The following SEMA6D variants were observed in gnomAD, a reference collection of about 807,000 sequenced individuals.
SEMA6D encodes semaphorin-6D.
A neutral mutation model predicts 106.6 loss-of-function variants in SEMA6D; 35 were observed. That is an observed-to-expected ratio of 0.33 (90% CI 0.25 to 0.44). The LOEUF (loss-of-function observed/expected upper bound fraction) is 0.44. Ranked by LOEUF, SEMA6D falls within the 20% of genes least tolerant of loss-of-function variation. SEMA6D has a pLI of 1.00. For missense variants in SEMA6D, 1,185 were observed against 1,345.9 expected, an observed-to-expected ratio of 0.88 and a Z score of 1.87; for synonymous variants, 499 against 487.7, an observed-to-expected ratio of 1.02 and a Z score of -0.31.
intron 1 of SEMA6D, among the ~76,000 whole-genome samples, chr15:47,295,821 T>C (rs879695678): frequency 1.3e-5 from 2 of 152,216 alleles, no homozygotes; most frequent in Non-Finnish European, 2.9e-5. Flanking sequence ...CCAGAAGAGC[T>C]TGTTTCTCCT....
intron 2 of SEMA6D, among the ~76,000 whole-genome samples, chr15:47,469,673 A>G (rs979560101): frequency 1.3e-5 from 2 of 152,142 alleles, no homozygotes; most frequent in Non-Finnish European, 2.9e-5. Flanking sequence ...GATATTGGAG[A>G]TAAAATTAAC....
At chr15:47,298,083 C>G (rs1418599455) in intron 1 of SEMA6D, among the ~76,000 whole-genome samples, 1 of 152,178 alleles carries the variant, frequency 6.6e-6, no homozygotes, top group Non-Finnish European at 1.5e-5. Context: ...TATACTCTAA[C>G]AGGATCACTT....
At chr15:47,372,353 G>A (rs968871060) in intron 1 of SEMA6D, among the ~76,000 whole-genome samples, 2 of 152,166 alleles carry the variant, frequency 1.3e-5, no homozygotes, top group African/African-American at 4.8e-5. Flanking sequence ...TCTCTGACAG[G>A]AAATCTTAAA....
chr15:47,764,400 C>A, intron 11 of SEMA6D, 95 bp downstream of exon 11: 1 of 1,441,284 alleles, frequency 6.9e-7, no homozygotes. Context: ...CAACCTCCCA[C>A]ACCAGGAAGG....
upstream of SEMA6D, among the ~76,000 whole-genome samples, chr15:47,715,298 G>A (rs2079090201): frequency 6.6e-6 from 1 of 152,162 alleles, no homozygotes; most frequent in Non-Finnish European, 1.5e-5. Context: ...GGTTAAAAGT[G>A]TGTAAAATCA....
chr15:47,638,424 T>G (rs2077429920), intron 4 of SEMA6D, among the ~76,000 whole-genome samples: 1 of 152,222 alleles, frequency 6.6e-6, no homozygotes, highest in Non-Finnish European at 1.5e-5. Context: ...ATTTTTAGAA[T>G]GATATCAGAC....
rs776941710 is a variant in SEMA6D at position 47,771,697 on chromosome 15, C to T, written c.3134C>T (p.Thr1045Met). 10 of 1,613,934 alleles carry T rather than the reference C, an allele frequency of 6.2e-6. No individual in the cohort carries two copies. In the African/African-American group the frequency reaches 6.7e-5, roughly 11 times the overall value. Reference protein sequence around the residue: ...GTLPRTGLKRTPSLKPDVPPK... With the variant: ...GTLPRTGLKRMPSLKPDVPPK... ...CTTCCTAGGACGGGACTAAAGAGGA[C>T]GCCGTCCTTAAAACCTGACGTGCCA... Residue 1045 changes from threonine (T) to methionine (M), a missense_variant, in exon 19 of 19, where the codon ACG becomes ATG. Thr to Met is a moderately conservative substitution (Grantham distance 81). Around this residue, in one of 3 missense-constraint regions of SEMA6D, gnomAD observed 750 missense variants for 783.5 expected, o/e 0.96. Coordinates refer to ENST00000536845, the MANE Select transcript of SEMA6D (RefSeq NM_001358351.3).
intron 1 of SEMA6D, among the ~76,000 whole-genome samples, chr15:47,405,118 C>T (rs757605650): frequency 5.9e-5 from 9 of 152,058 alleles, no homozygotes; most frequent in South Asian, 2.1e-4. Flanking sequence ...TCAGGAGATG[C>T]GCCATGTAGC....
At chr15:47,372,838 T>G (rs752399514) in intron 1 of SEMA6D, among the ~76,000 whole-genome samples, 1 of 152,206 alleles carries the variant, frequency 6.6e-6, no homozygotes, top group Non-Finnish European at 1.5e-5. Flanking sequence ...CCACTGCTAA[T>G]TCTAGTCGAT....
At chr15:47,583,598 C>A (rs1284368345) in intron 3 of SEMA6D, among the ~76,000 whole-genome samples, 2 of 152,164 alleles carry the variant, frequency 1.3e-5, no homozygotes, top group African/African-American at 4.8e-5. Flanking sequence ...AAAGTAGTCA[C>A]TCCTAGGCAT....
intron 2 of SEMA6D, among the ~76,000 whole-genome samples, chr15:47,445,628 T>C (rs1223194855): frequency 6.6e-6 from 1 of 152,132 alleles, no homozygotes; most frequent in African/African-American, 2.4e-5. Flanking sequence ...ATATTCCTTC[T>C]TTCTATGTGT....
chr15:47,336,808 C>G (rs954410161), intron 1 of SEMA6D, among the ~76,000 whole-genome samples: 3 of 152,122 alleles, frequency 2.0e-5, no homozygotes, highest in Non-Finnish European at 4.4e-5. Context: ...GCACCATGAC[C>G]ATCTCTCCAC....
intron 1 of SEMA6D, among the ~76,000 whole-genome samples, chr15:47,200,675 A>G (rs1595731262): frequency 6.6e-6 from 1 of 152,202 alleles, no homozygotes; most frequent in African/African-American, 2.4e-5. Context: ...AAGTACACAT[A>G]CAATTCCACT....
At chr15:47,768,468 C>T (rs2082460504) in intron 17 of SEMA6D, 113 bp from the exon 18 acceptor site, 1 of 931,692 alleles carries the variant, frequency 1.1e-6, no homozygotes, top group South Asian at 2.4e-5. Flanking sequence ...TTACAAAATC[C>T]TAGAGCAAAC....
chr15:47,359,688 A>G (rs898756562), intron 1 of SEMA6D: 1 of 152,156 alleles, frequency 6.6e-6, no homozygotes, highest in African/African-American at 2.4e-5. Flanking sequence ...AAGTAGAAAA[A>G]AGAGAAAGCA....
chr15:47,718,416 G>A (rs1322485415), intron 1 of SEMA6D: 1 of 152,324 alleles, frequency 6.6e-6, no homozygotes, highest in Non-Finnish European at 1.5e-5. Flanking sequence ...CACGGCCCCC[G>A]GGTAGTGCCT....
intron 3 of SEMA6D, among the ~76,000 whole-genome samples, chr15:47,569,894 C>G (rs1208560188): frequency 6.6e-6 from 1 of 152,000 alleles, no homozygotes; most frequent in Non-Finnish European, 1.5e-5. Flanking sequence ...CAACCCATCT[C>G]TACTAAAAAT....
intron 1 of SEMA6D, among the ~76,000 whole-genome samples, chr15:47,214,921 C>T (rs561998882): frequency 2.0e-5 from 3 of 151,940 alleles, no homozygotes; most frequent in Non-Finnish European, 4.4e-5. Flanking sequence ...AATATAGTAT[C>T]ATCTGCACAT....
chr15:47,385,402 G>A (rs986383270), intron 1 of SEMA6D, among the ~76,000 whole-genome samples: 3 of 152,116 alleles, frequency 2.0e-5, no homozygotes, highest in African/African-American at 4.8e-5. Flanking sequence ...GGAACTGAGA[G>A]TACCGAATTC....
Sources: allele counts gnomAD v4.1 joint callset (sites outside exome capture counted in the v4.1 genomes callset), GRCh38; gene constraint gnomAD v4.1.1; regional missense constraint gnomAD v4.1.1; transcripts MANE v1.5; gene names NCBI Gene and HGNC (gene_info 2026-07-23, HGNC 2026-07-21).